BRINP3: variants seen among roughly 807,000 people sequenced by gnomAD.
BRINP3 encodes BMP/retinoic acid-inducible neural-specific protein 3.
Under a neutral mutation model 71.0 loss-of-function variants are expected in BRINP3, and 19 were observed. The ratio of observed to expected loss-of-function variants is 0.27; its 90% CI spans 0.19 to 0.39. The LOEUF (loss-of-function observed/expected upper bound fraction) is 0.39. Among genes scored for constraint, BRINP3 ranks in the 10% least tolerant of loss-of-function variants. The probability of loss-of-function intolerance (pLI) is 1.00; values close to 1 mark genes in which losing one functional copy is unlikely to be tolerated. For synonymous variants in BRINP3, 380 were observed against 337.7 expected, an observed-to-expected ratio of 1.13 and a Z score of -1.37; for missense variants, 959 against 940.8, an observed-to-expected ratio of 1.02 and a Z score of -0.25.
chr1:190,259,429 A>C (rs1467774088), intron 4 of BRINP3, among the ~76,000 whole-genome samples: 3 of 151,880 alleles, frequency 2.0e-5, no homozygotes, highest in Non-Finnish European at 4.4e-5. Context: ...TGACAAAATC[A>C]ACACATTTTC....
chr1:190,102,639 A>G (rs1169667007), intron 7 of BRINP3, among the ~76,000 whole-genome samples: 8 of 152,084 alleles, frequency 5.3e-5, no homozygotes, highest in Admixed American at 2.0e-4. Context: ...ACAGAGAGAA[A>G]CTAAGGAAAG....
At chr1:190,105,890 A>G (rs1427754724) in intron 7 of BRINP3, among the ~76,000 whole-genome samples, 1 of 152,054 alleles carries the variant, frequency 6.6e-6, no homozygotes, top group Middle Eastern at 3.2e-3. Flanking sequence ...GAGTCACACA[A>G]AGATAAACAC....
intron 2 of BRINP3, among the ~76,000 whole-genome samples, chr1:190,393,641 A>G (rs900437296): frequency 5.9e-5 from 9 of 151,668 alleles, no homozygotes; most frequent in African/African-American, 1.9e-4. Context: ...TTAATTGGCT[A>G]GTAAAATCAT....
At chr1:190,104,023 A>G (rs1211070981) in intron 7 of BRINP3, among the ~76,000 whole-genome samples, 1 of 151,952 alleles carries the variant, frequency 6.6e-6, no homozygotes, top group Non-Finnish European at 1.5e-5. Context: ...ATATCTATTA[A>G]GCATTAGAAT....
chr1:190,106,491 T>C (rs1286827776), intron 7 of BRINP3, among the ~76,000 whole-genome samples: 1 of 151,420 alleles, frequency 6.6e-6, no homozygotes, highest in Non-Finnish European at 1.5e-5. Context: ...TAAAAGGTCA[T>C]TTCATTTCAT....
At chr1:190,330,288 A>T (rs570496044) in intron 2 of BRINP3, among the ~76,000 whole-genome samples, 13 of 152,206 alleles carry the variant, frequency 8.5e-5, no homozygotes, top group Admixed American at 3.3e-4. Flanking sequence ...CCAACAAGTA[A>T]AATACAAGTA....
intron 6 of BRINP3, among the ~76,000 whole-genome samples, chr1:190,204,356 T>C (rs1016643644): frequency 7.3e-5 from 11 of 151,596 alleles, no homozygotes; most frequent in Non-Finnish European, 2.9e-5. Context: ...AATTATAAAA[T>C]GGAAAGAAAG....
chr1:190,133,907 T>C (rs771730017), intron 7 of BRINP3, among the ~76,000 whole-genome samples: 3 of 151,998 alleles, frequency 2.0e-5, no homozygotes, highest in East Asian at 1.9e-4. Context: ...AATCTCTGTA[T>C]GTAAGTTAAA....
intron 1 of BRINP3, among the ~76,000 whole-genome samples, chr1:190,463,013 A>G (rs968375301): frequency 6.6e-6 from 1 of 152,038 alleles, no homozygotes; most frequent in Non-Finnish European, 1.5e-5. Flanking sequence ...ATTTTAAAAC[A>G]TGTACTGAAA....
At chr1:190,412,629 A>AT (rs1465867710) in intron 2 of BRINP3, among the ~76,000 whole-genome samples, 1 of 149,956 alleles carries the variant, frequency 6.7e-6, no homozygotes, top group African/African-American at 2.4e-5. Flanking sequence ...CGCCCGGCTA[A>AT]TTTTTTGTAT....
chr1:190,237,432 T>A (rs1658627691), intron 4 of BRINP3, among the ~76,000 whole-genome samples: 1 of 151,602 alleles, frequency 6.6e-6, no homozygotes, highest in South Asian at 2.1e-4. Context: ...AAAAATAAAT[T>A]TACTACAGAG....
At chr1:190,428,334 A>G (rs1673859655) in intron 2 of BRINP3, among the ~76,000 whole-genome samples, 2 of 152,022 alleles carry the variant, frequency 1.3e-5, no homozygotes, top group South Asian at 2.1e-4. Context: ...TGATACTAAA[A>G]TATACTATGA....
At chr1:190,471,554 T>C (rs1165541462) in intron 1 of BRINP3, among the ~76,000 whole-genome samples, 1 of 151,414 alleles carries the variant, frequency 6.6e-6, no homozygotes, top group Non-Finnish European at 1.5e-5. Context: ...AAGTAGTTGC[T>C]AAATTAAAAC....
chr1:190,364,864 G>A (rs1219507260), intron 2 of BRINP3, among the ~76,000 whole-genome samples: 1 of 151,948 alleles, frequency 6.6e-6, no homozygotes, highest in African/African-American at 2.4e-5. Context: ...GGAGAGAATG[G>A]AACAAGTTAC....
chr1:190,376,750 T>G (rs1402252801), intron 2 of BRINP3, among the ~76,000 whole-genome samples: 2 of 152,092 alleles, frequency 1.3e-5, no homozygotes, highest in Non-Finnish European at 2.9e-5. Context: ...TTTGACATAA[T>G]CAAATCCTTC....
chr1:190,267,527 C>A lies in BRINP3; in HGVS notation c.428-2472G>T, dbSNP rs551890974. Among the ~76,000 whole-genome samples, 10 of 145,922 alleles carry A rather than the reference C, an allele frequency of 6.9e-5. No individual in the cohort carries two copies. The East Asian group carries it at 7.8e-4, about 11-fold the overall frequency. ...TGAGTTAACTACATGATTCTAAAAT[C>A]AAAAAAATGATAAAAAAGCTTATAT... is the stretch of plus-strand genomic sequence containing the variant. On this transcript the variant is annotated intron_variant, in intron 3 of 7. Coordinates refer to ENST00000367462, the MANE Select transcript of BRINP3 (RefSeq NM_199051.3).
intron 6 of BRINP3, among the ~76,000 whole-genome samples, chr1:190,225,508 G>T (rs1220588012): frequency 6.6e-6 from 1 of 151,594 alleles, no homozygotes; most frequent in East Asian, 1.9e-4. Flanking sequence ...AGAAAATGCA[G>T]GGAAAATAAA....
At chr1:190,148,926 G>A (rs1571842999) in intron 7 of BRINP3, among the ~76,000 whole-genome samples, 1 of 152,086 alleles carries the variant, frequency 6.6e-6, no homozygotes, top group African/African-American at 2.4e-5. Context: ...AAATAACATG[G>A]TAGAGTAATG....
At chr1:190,240,458 A>ATTTCTTTT (rs1658953743) in intron 4 of BRINP3, among the ~76,000 whole-genome samples, 1 of 152,074 alleles carries the variant, frequency 6.6e-6, no homozygotes. Context: ...TTAAAGCAAA[A>ATTTCTTTT]TTTCTTTTAA....
Sources: gnomAD v4.1 joint callset for allele counts (sites outside exome capture counted in the v4.1 genomes callset) on GRCh38, gnomAD v4.1.1 for gene constraint, MANE v1.5 for transcripts, NCBI Gene and HGNC (gene_info 2026-07-23, HGNC 2026-07-21) for gene names.